TENM2: variants seen among roughly 807,000 people sequenced by gnomAD.
TENM2 encodes the protein teneurin transmembrane protein 2, also known as teneurin-2.
TENM2 carries 52 observed loss-of-function variants against 245.2 expected under a neutral mutation model. The ratio of observed to expected loss-of-function variants is 0.21; its 90% confidence interval spans 0.17 to 0.27. The LOEUF (loss-of-function observed/expected upper bound fraction) is 0.27, where lower values mean the gene tolerates loss of function less well. Ranked by LOEUF, TENM2 falls within the 10% of genes least tolerant of loss-of-function variation. The pLI, the probability that TENM2 is intolerant of heterozygous loss-of-function variation, is 1.00. For missense variants in TENM2, 3,046 were observed against 3,666.8 expected, an observed-to-expected ratio of 0.83 and a Z score of 4.37; for synonymous variants, 1,363 against 1,438.9, an observed-to-expected ratio of 0.95 and a Z score of 1.19.
chr5:167,179,395 A>T, the TENM2 span, among the ~76,000 whole-genome samples: 1 of 152,190 alleles, frequency 6.6e-6, no homozygotes, highest in African/African-American at 2.4e-5. Flanking sequence ...TCGTATAATT[A>T]TTGTATTGTG....
At chr5:167,261,973 T>A in the TENM2 span, among the ~76,000 whole-genome samples, 1 of 152,190 alleles carries the variant, frequency 6.6e-6, no homozygotes, top group Non-Finnish European at 1.5e-5. Context: ...GCTCATGAGC[T>A]GTTTGACTTT....
chr5:167,284,245 G>A (rs1040649560), upstream of TENM2, among the ~76,000 whole-genome samples: 11 of 150,382 alleles, frequency 7.3e-5, no homozygotes, highest in African/African-American at 2.7e-4. Context: ...GAAATGTTAT[G>A]TTAGTTGAAT....
intron 13 of TENM2, among the ~76,000 whole-genome samples, chr5:168,171,040 G>A (rs1024224436): frequency 2.6e-5 from 4 of 152,278 alleles, no homozygotes; most frequent in African/African-American, 4.8e-5. Flanking sequence ...AGTTCCACCC[G>A]AGGGTCTTTG....
At chr5:167,879,010 T>G (rs1032166367) in intron 3 of TENM2, among the ~76,000 whole-genome samples, 1 of 152,212 alleles carries the variant, frequency 6.6e-6, no homozygotes. Context: ...TCTCCTCTTA[T>G]AGTTGCTGTT....
At chr5:167,767,100 A>G (rs1228602669) in intron 2 of TENM2, among the ~76,000 whole-genome samples, 3 of 152,224 alleles carry the variant, frequency 2.0e-5, no homozygotes, top group Admixed American at 6.5e-5. Flanking sequence ...TTGTACACCC[A>G]TGTTCATAGC....
At chr5:167,929,871 G>T (rs1227440430) in intron 3 of TENM2, among the ~76,000 whole-genome samples, 2 of 152,194 alleles carry the variant, frequency 1.3e-5, no homozygotes, top group South Asian at 4.2e-4. Context: ...ATGGCTCAGG[G>T]CTATGTTTTC....
At chr5:167,455,112 G>A (rs1406604221) in intron 2 of TENM2, among the ~76,000 whole-genome samples, 1 of 152,154 alleles carries the variant, frequency 6.6e-6, no homozygotes, top group African/African-American at 2.4e-5. Context: ...AAATTTATCT[G>A]TTCTTCCTGT....
At chr5:167,619,082 G>A (rs1270207353) in intron 2 of TENM2, among the ~76,000 whole-genome samples, 1 of 152,114 alleles carries the variant, frequency 6.6e-6, no homozygotes, top group Non-Finnish European at 1.5e-5. Context: ...ACACTGCCCA[G>A]TGTTCTAGAT....
intron 2 of TENM2, among the ~76,000 whole-genome samples, chr5:167,836,939 T>TTATATAAACTACTAGTAG (rs1769053231): frequency 2.0e-5 from 3 of 152,166 alleles, no homozygotes; most frequent in Admixed American, 2.0e-4. Flanking sequence ...TTTCATATAG[T>TTATATAAACTACTAGTAG]TATATAAACT....
At chr5:167,461,343 C>T (rs756134141) in intron 2 of TENM2, among the ~76,000 whole-genome samples, 6 of 151,864 alleles carry the variant, frequency 4.0e-5, no homozygotes, top group Non-Finnish European at 7.4e-5. Context: ...ATAGAAGCCA[C>T]ATTATAATTC....
In TENM2 at chr5:168,248,036, A is replaced by G. The variant is rs1766752849; in HGVS notation, c.7097A>G (p.Tyr2366Cys). 1 of 1,613,960 alleles carries G rather than the reference A, an allele frequency of 6.2e-7. No individual in the cohort carries two copies. The highest frequency in any genetic ancestry group is 8.5e-7 in the Non-Finnish European group (1 of 1,179,876). The change falls in exon 27 of 29, where the codon TAT (tyrosine) becomes TGT (cysteine). Residue 2366 changes from tyrosine to cysteine, a missense_variant. Physicochemically the swap from Tyr to Cys is radical, Grantham distance 194 (BLOSUM62 -2). Transcript: ENST00000518659. ...GAGAGCAGCAGTGGGGAGGAGTACT[A>G]TGTTGCCTCTGATAACACAGGGACT...
At chr5:168,087,786 A>G (rs1396191335) in intron 7 of TENM2, among the ~76,000 whole-genome samples, 1 of 152,102 alleles carries the variant, frequency 6.6e-6, no homozygotes, top group Non-Finnish European at 1.5e-5. Context: ...AAAATAAATT[A>G]TATCATTTTA....
At chr5:167,598,966 G>A (rs1312394759) in intron 2 of TENM2, among the ~76,000 whole-genome samples, 1 of 152,136 alleles carries the variant, frequency 6.6e-6, no homozygotes, top group Non-Finnish European at 1.5e-5. Context: ...AAGCCTCAAA[G>A]ATTAAAGGGC....
At chr5:167,793,212 A>G (rs1293528635) in intron 2 of TENM2, among the ~76,000 whole-genome samples, 1 of 152,160 alleles carries the variant, frequency 6.6e-6, no homozygotes, top group African/African-American at 2.4e-5. Flanking sequence ...ACCAAGTTCA[A>G]ATCTGAACTC....
the TENM2 span, among the ~76,000 whole-genome samples, chr5:167,187,019 T>C: frequency 2.6e-5 from 4 of 152,220 alleles, no homozygotes; most frequent in Non-Finnish European, 5.9e-5. Flanking sequence ...CCACCCGCCA[T>C]GTCTTCAGAC....
At chr5:167,011,936 A>C in the TENM2 span, among the ~76,000 whole-genome samples, 2 of 152,148 alleles carry the variant, frequency 1.3e-5, no homozygotes, top group East Asian at 3.9e-4. Flanking sequence ...ACTAAGGCAT[A>C]TTGTCGTGTA....
intron 3 of TENM2, among the ~76,000 whole-genome samples, chr5:167,910,482 G>A (rs984176957): frequency 9.9e-5 from 15 of 152,056 alleles, no homozygotes; most frequent in African/African-American, 3.4e-4. Context: ...ATGCAAAGTA[G>A]GTTTGGTTTG....
intron 2 of TENM2, among the ~76,000 whole-genome samples, chr5:167,537,296 T>A (rs536705316): frequency 6.6e-6 from 1 of 151,828 alleles, no homozygotes; most frequent in South Asian, 2.1e-4. Context: ...GCTAGATTTT[T>A]TCATCTGCAA....
At chr5:167,282,784 G>A (rs951247995), upstream of TENM2, among the ~76,000 whole-genome samples, 3 of 152,122 alleles carry the variant, frequency 2.0e-5, no homozygotes, top group African/African-American at 7.2e-5. Flanking sequence ...CATGTTAGAA[G>A]TTAGGGAAGG....
Sources: gnomAD v4.1 joint callset for allele counts (sites outside exome capture counted in the v4.1 genomes callset) on GRCh38, gnomAD v4.1.1 for gene constraint, MANE v1.5 for transcripts, NCBI Gene and HGNC (gene_info 2026-07-23, HGNC 2026-07-21) for gene names.